NEB: variants seen among roughly 807,000 people sequenced by gnomAD.
NEB encodes the protein nebulin.
In NEB, 512 loss-of-function variants were observed where a neutral mutation model predicts 952.2. The ratio of observed to expected loss-of-function variants is 0.54; its 90% CI spans 0.50 to 0.58. The LOEUF is 0.58. Among genes scored for constraint, NEB ranks in the 20% least tolerant of loss-of-function variants. The probability of loss-of-function intolerance (pLI) is 0.00; values close to 1 mark genes in which losing one functional copy is unlikely to be tolerated. For missense variants in NEB, 8,428 were observed against 9,231.1 expected, an observed-to-expected ratio of 0.91 and a Z score of 3.56; for synonymous variants, 2,900 against 3,149.8, an observed-to-expected ratio of 0.92 and a Z score of 2.66.
chr2:151,506,525 G>A (rs2069035373), intron 163 of NEB: 1 of 447,806 alleles, frequency 2.2e-6, no homozygotes, highest in East Asian at 3.8e-5. Context: ...AGGAAATGTT[G>A]ATTAACAACA....
chr2:151,639,223 A>G, intron 63 of NEB, 57 bp downstream of exon 63: 1 of 1,311,844 alleles, frequency 7.6e-7, no homozygotes, highest in Non-Finnish European at 1.1e-6. Flanking sequence ...ATGTCATCAT[A>G]GAGTAGATCA....
chr2:151,488,790 T>G (rs2053492393), intron 181 of NEB, among the ~76,000 whole-genome samples: 1 of 152,260 alleles, frequency 6.6e-6, no homozygotes, highest in Non-Finnish European at 1.5e-5. Context: ...ACTGGTTACC[T>G]CAGATCATAT....
At position 151,677,998 on chromosome 2, in the gene NEB, C is replaced by T. The variant is rs752178904; in HGVS notation, c.3445G>A (p.Ala1149Thr). The T allele has an allele frequency of 6.2e-7, 1 of 1,613,964 alleles. No homozygotes were observed. Among genetic ancestry groups the T allele is most frequent in the Non-Finnish European group, 8.5e-7 (1 of 1,179,876 alleles). The change falls in exon 33 of 182, where the codon GCT (alanine) becomes ACT (threonine). Residue 1149 changes from alanine to threonine, a missense_variant. Transcript: ENST00000397345. ...CTGACCACATCCTGGGCTTTCTTAGCCGCCACGACATTGAACATATCATGG... is the reference window on the plus strand; with the variant it reads ...CTGACCACATCCTGGGCTTTCTTAGTCGCCACGACATTGAACATATCATGG... ...TPHDMFNVVA[A>T]KKAQDVVSNV...
chr2:151,568,671 CCA>C lies in NEB; in HGVS notation c.17579_17580del (p.Val5860GlyfsTer2). On this transcript the variant is annotated frameshift_variant, in exon 111 of 182. Transcript: ENST00000397345. LOFTEE classifies it high-confidence loss of function. Reference sequence around the variant, plus strand: ...GCTGTCACATAATCAACTCTGTCATCCACAGGCGTAAAGTTGAGAGTTTCTAT... The same window carrying C: ...GCTGTCACATAATCAACTCTGTCATCCAGGCGTAAAGTTGAGAGTTTCTAT... Reference protein sequence around the residue: ...TKIETLNFTPVDDRVDYVTAK... With the variant: ...TKIETLNFTPXDDRVDYVTAK... The C allele has an allele frequency of 6.2e-6, 10 of 1,609,518 alleles. No homozygotes were observed. Among genetic ancestry groups the C allele is most frequent in the Non-Finnish European group, 8.5e-6 (10 of 1,177,788 alleles).
In NEB at chr2:151,656,147, C is replaced by T. The variant is rs1022052250; in HGVS notation, c.6495+6G>A. On this transcript the variant is annotated splice_donor_region_variant and intron_variant, in intron 49 of 181. Transcript: ENST00000397345. ...CAACCATCACCCAAGTAGAAGAAAGCCTTACATCACTCTGTATGCGATTCA... is the reference window on the plus strand; with the variant it reads ...CAACCATCACCCAAGTAGAAGAAAGTCTTACATCACTCTGTATGCGATTCA... The T allele has an allele frequency of 3.8e-6, 6 of 1,580,040 alleles. No homozygotes were observed. In the African/African-American group the frequency reaches 6.7e-5, roughly 18 times the overall value.
chr2:151,534,331 T>C (rs1459926419), intron 142 of NEB: 2 of 1,605,248 alleles, frequency 1.2e-6, no homozygotes, highest in Non-Finnish European at 1.7e-6. Context: ...TGCTCAAACA[T>C]CATAGCATAT....
intron 10 of NEB, among the ~76,000 whole-genome samples, chr2:151,714,092 T>C (rs2099752911): frequency 6.6e-6 from 1 of 151,792 alleles, no homozygotes; most frequent in Non-Finnish European, 1.5e-5. Context: ...AGAAGAAAAA[T>C]TGTTTCCCCG....
At chr2:151,576,833 C>A (rs1017473930) in intron 105 of NEB, among the ~76,000 whole-genome samples, 1 of 152,040 alleles carries the variant, frequency 6.6e-6, no homozygotes, top group Non-Finnish European at 1.5e-5. Flanking sequence ...CTACGCCAGG[C>A]CTCTTTTATT....
In NEB at chr2:151,568,659, C is replaced by G; in HGVS notation, c.17593G>C (p.Asp5865His). 6.2e-7 allele frequency: 1 copy of G among 1,610,046 alleles called. No individual in the cohort carries two copies. Among genetic ancestry groups the G allele is most frequent in the South Asian group, 1.1e-5 (1 of 90,024 alleles). The change falls in exon 111 of 182, where the codon GAT becomes CAT. Residue 5865 changes from aspartate (D) to histidine (H), a missense_variant. This residue lies in a region of NEB where 3,374 missense variants were observed against 3,651.5 expected (regional missense o/e 0.92). Transcript: ENST00000397345. ...LNFTPVDDRV[D>H]YVTAKQSGEI... Reference sequence around the variant, plus strand: ...CCACTTTGTTTCGCTGTCACATAATCAACTCTGTCATCCACAGGCGTAAAG... The same window carrying G: ...CCACTTTGTTTCGCTGTCACATAATGAACTCTGTCATCCACAGGCGTAAAG...
chr2:151,496,451 C>A (rs2152941079), intron 172 of NEB, 83 bp from the exon 173 acceptor site: 2 of 1,492,300 alleles, frequency 1.3e-6, no homozygotes, highest in Non-Finnish European at 1.8e-6. Flanking sequence ...GGTCAACTTC[C>A]TTGTTAAGAA....
intron 135 of NEB, 144 bp downstream of exon 135, chr2:151,545,744 G>T: frequency 1.7e-6 from 1 of 586,774 alleles, no homozygotes; most frequent in Non-Finnish European, 3.0e-6. Flanking sequence ...AGACATAGTA[G>T]CCATTCCACA....
At position 151,560,986 on chromosome 2, in the gene NEB, A is replaced by C. The variant is rs771605004; in HGVS notation, c.19206+18T>G. 11 of 1,515,266 alleles carry C rather than the reference A, an allele frequency of 7.3e-6. No individual in the cohort carries two copies. The highest frequency in any genetic ancestry group is 1.0e-5 in the Non-Finnish European group (11 of 1,098,552). 93.9% of individuals were successfully genotyped at this position (1,515,266 alleles called of 1,614,324 possible). On this transcript the variant is annotated intron_variant, in intron 123 of 181. Transcript: ENST00000397345. ...GAAAGGTGGCTCATATATAAGGGGG[A>C]AAAAAAACTCAACTCACACTGCTGT...
rs554762224 is a variant in NEB, at chr2:151,710,991, C to T, written c.823-453G>A. On this transcript the variant is annotated intron_variant, in intron 10 of 181. Coordinates refer to ENST00000397345, the MANE Select transcript of NEB (RefSeq NM_001164508.2). ...CAATAAAATTCAACTTGCAGGCTAA[C>T]GAATAGATCTTCGCCTTTAGAGTTA... Among the ~76,000 whole-genome samples, 31 of 152,228 alleles carry T rather than the reference C, an allele frequency of 2.0e-4. No homozygotes were observed. In the East Asian group the frequency reaches 3.3e-3, roughly 16 times the overall value.
chr2:151,709,340 T>C (rs997296863), intron 12 of NEB, among the ~76,000 whole-genome samples: 2 of 152,200 alleles, frequency 1.3e-5, no homozygotes, highest in Admixed American at 6.5e-5. Context: ...CTAAATCAAA[T>C]TGATAAATGT....
intron 168 of NEB, 32 bp from the exon 169 acceptor site, chr2:151,499,422 C>T (rs771115130): frequency 4.7e-6 from 6 of 1,287,226 alleles, no homozygotes; most frequent in Non-Finnish European, 6.6e-6. Flanking sequence ...CCAGAAAAAA[C>T]AAGAGCAGTC....
chr2:151,527,300 G>C (rs2086823683), intron 147 of NEB, among the ~76,000 whole-genome samples, 181 bp downstream of exon 147: 1 of 152,162 alleles, frequency 6.6e-6, no homozygotes, highest in African/African-American at 2.4e-5. Context: ...AGGAGAATAG[G>C]CTCCATGGGC....
At position 151,663,597 on chromosome 2, in the gene NEB, T is replaced by C. The variant is rs2154172277; in HGVS notation, c.5714A>G (p.Asp1905Gly). 6.2e-7 allele frequency: 1 copy of C among 1,613,342 alleles called. No homozygotes were observed. Among genetic ancestry groups the C allele is most frequent in the Non-Finnish European group, 8.5e-7 (1 of 1,179,352 alleles). The change falls in exon 45 of 182, where the codon GAT (aspartate) becomes GGT (glycine). Residue 1905 changes from aspartate to glycine, a missense_variant. Asp to Gly is a moderately conservative substitution (Grantham distance 94). Around this residue, in one of 11 missense-constraint regions of NEB, gnomAD observed 2,851 missense variants for 2,791.5 expected, o/e 1.02. Coordinates refer to ENST00000397345, the MANE Select transcript of NEB (RefSeq NM_001164508.2). ...NVIHTYNMLP[D>G]AMSFELAKNM... ...TTTGGCCAATTCAAAGCTCATGGCATCAGGAAGCATGTTGTAGGTATGGAT... is the reference window on the plus strand; with the variant it reads ...TTTGGCCAATTCAAAGCTCATGGCACCAGGAAGCATGTTGTAGGTATGGAT...
chr2:151,539,926 T>C (rs755653889), intron 138 of NEB, among the ~76,000 whole-genome samples: 6 of 152,212 alleles, frequency 3.9e-5, no homozygotes, highest in Non-Finnish European at 4.4e-5. Context: ...CAATTCTCAT[T>C]ATCATTCCAC....
Position 151,675,540 on chromosome 2 carries a change from C to T in NEB, c.3775-149G>A. 6.7e-6 allele frequency: 4 copies of T among 593,938 alleles called. No individual in the cohort carries two copies. In the East Asian group the frequency reaches 1.2e-4, roughly 17 times the overall value. 36.8% of individuals were successfully genotyped at this position (593,938 alleles called of 1,614,324 possible). A position where few individuals can be genotyped will look rare whatever the true frequency, so the allele number is the denominator to read the frequency against. The stretch of plus-strand genomic sequence containing the variant: ...CTATTTTTTTAAATAAAACAAGCAT[C>T]TTATTATCTTTAATACCAACAAGTC... On this transcript the variant is annotated intron_variant, in intron 34 of 181. Coordinates refer to ENST00000397345, the MANE Select transcript of NEB (RefSeq NM_001164508.2).
Sources: allele counts gnomAD v4.1 joint callset (sites outside exome capture counted in the v4.1 genomes callset), GRCh38; gene constraint gnomAD v4.1.1; regional missense constraint gnomAD v4.1.1; transcripts MANE v1.5; gene names NCBI Gene and HGNC (gene_info 2026-07-23, HGNC 2026-07-21).